The following ZNF57 variants were observed in gnomAD, a reference collection of about 807,000 sequenced individuals.
ZNF57 encodes zinc finger protein 424.
A neutral mutation model predicts 13.4 loss-of-function variants in ZNF57; 11 were observed. That is an observed-to-expected ratio of 0.82 (90% CI 0.52 to 1.36). The LOEUF (loss-of-function observed/expected upper bound fraction) is 1.36, where lower values mean the gene tolerates loss of function less well. ZNF57 is among the 40% of genes most tolerant of loss of function. The pLI is 0.00. For missense variants in ZNF57, 696 were observed against 667.5 expected (o/e 1.04, Z -0.47); for synonymous variants, 224 against 238.5 (o/e 0.94, Z 0.56).
In ZNF57 at chr19:2,917,634, G is replaced by A; in HGVS notation, c.1013G>A (p.Cys338Tyr). The A allele has an allele frequency of 6.2e-7, 1 of 1,613,734 alleles. No individual in the cohort carries two copies. The highest frequency in any genetic ancestry group is 2.2e-5 in the East Asian group (1 of 44,856). ...CACACTGGGGACAAACTCTATAAATGTGAACACTGTGGGAAGGCTTTTACC... is the reference window on the plus strand; with the variant it reads ...CACACTGGGGACAAACTCTATAAATATGAACACTGTGGGAAGGCTTTTACC... Reference protein sequence around the residue: ...RIHTGDKLYKCEHCGKAFTSS... With the variant: ...RIHTGDKLYKYEHCGKAFTSS... Residue 338 changes from cysteine to tyrosine, a missense_variant, in exon 4 of 4, where the codon TGT becomes TAT. Transcript: ENST00000306908.
At chr19:2,903,905 C>G (rs543883924) in intron 1 of ZNF57, among the ~76,000 whole-genome samples, 1 of 151,994 alleles carries the variant, frequency 6.6e-6, no homozygotes. Context: ...TTAGTAGAGA[C>G]GGGGTTTCAC....
At chr19:2,914,351 T>C (rs976974520) in intron 1 of ZNF57, among the ~76,000 whole-genome samples, 1 of 152,092 alleles carries the variant, frequency 6.6e-6, no homozygotes, top group African/African-American at 2.4e-5. Flanking sequence ...ACCTCCTGGG[T>C]TCAAGTGATT....
rs182420588 is a variant in ZNF57, at chr19:2,916,406, A to G, written c.302+157A>G. 125 of 702,912 alleles carry G rather than the reference A, an allele frequency of 1.8e-4. 1 individual carries two copies. The African/African-American group carries it at 2.1e-3, about 12-fold the overall frequency. 43.5% of individuals were successfully genotyped at this position (702,912 alleles called of 1,614,324 possible). A position where few individuals can be genotyped will look rare whatever the true frequency, so the allele number is the denominator to read the frequency against. Reference sequence around the variant, plus strand: ...GACTAAGACATTGAGAATTTGAAACATAATTGTTAGAAGTAATTACAGGGG... The same window carrying G: ...GACTAAGACATTGAGAATTTGAAACGTAATTGTTAGAAGTAATTACAGGGG... On this transcript the variant is annotated intron_variant, in intron 3 of 3. Transcript: ENST00000306908.
Position 2,918,462 on chromosome 19 carries a change from T to C in ZNF57, c.*173T>C, listed in dbSNP as rs2088238134. The C allele has an allele frequency of 1.9e-5, 13 of 689,536 alleles. No homozygotes were observed. In the South Asian group the frequency reaches 2.7e-4, roughly 14 times the overall value. 42.7% of individuals were successfully genotyped at this position (689,536 alleles called of 1,614,324 possible). ...TCCAGCTCTTTCAAAAATAAATGTT[T>C]ATGTGAGAAAATAATTCTCTAAGTC... On this transcript the variant is annotated 3_prime_UTR_variant, in exon 4 of 4. Coordinates refer to ENST00000306908, the MANE Select transcript of ZNF57 (RefSeq NM_173480.3).
At chr19:2,906,350 G>A (rs974785979) in intron 1 of ZNF57, among the ~76,000 whole-genome samples, 4 of 152,212 alleles carry the variant, frequency 2.6e-5, no homozygotes, top group African/African-American at 4.8e-5. Flanking sequence ...CATGGTGCCC[G>A]GCCCTGAGTG....
rs2088218018 is a variant in ZNF57, at chr19:2,917,526, A to G, written c.905A>G (p.His302Arg). Residue 302 changes from histidine (H) to arginine (R), a missense_variant, in exon 4 of 4, where the codon CAC becomes CGC. Coordinates refer to ENST00000306908, the MANE Select transcript of ZNF57 (RefSeq NM_173480.3). Reference sequence around the variant, plus strand: ...GCTTTTCAAAGACATGAGAAGACGCACACGGGAGAGAAGCCCTATGAATGC... The same window carrying G: ...GCTTTTCAAAGACATGAGAAGACGCGCACGGGAGAGAAGCCCTATGAATGC... ...PQAFQRHEKT[H>R]TGEKPYECKQ... The G allele has an allele frequency of 2.5e-6, 4 of 1,613,844 alleles. No homozygotes were observed. Among genetic ancestry groups the G allele is most frequent in the Admixed American group, 1.7e-5 (1 of 59,994 alleles).
chr19:2,903,211 T>C (rs2088043754), intron 1 of ZNF57, among the ~76,000 whole-genome samples: 1 of 152,192 alleles, frequency 6.6e-6, no homozygotes, highest in African/African-American at 2.4e-5. Context: ...GTTTAGTTTA[T>C]GCTTTAAGTG....
At chr19:2,909,344 G>C (rs1297662578) in intron 1 of ZNF57, among the ~76,000 whole-genome samples, 2 of 80,480 alleles carry the variant, frequency 2.5e-5, no homozygotes, top group Admixed American at 1.4e-4. Flanking sequence ...GCAGTGGCGC[G>C]ATCTCGGCTC....
chr19:2,901,151 C>G, intron 1 of ZNF57, 103 bp downstream of exon 1: 2 of 1,379,910 alleles, frequency 1.4e-6, no homozygotes, highest in Middle Eastern at 2.1e-4. Flanking sequence ...CTGAGGGACG[C>G]GCGGGGCGGC....
In ZNF57 at chr19:2,917,652, CT is replaced by C; in HGVS notation, c.1035del (p.Phe345LeufsTer11). The C allele has an allele frequency of 6.2e-7, 1 of 1,614,044 alleles. No individual in the cohort carries two copies. ...KLYKCEHCGK[A>X]FTSSRSFQGH... ...TATAAATGTGAACACTGTGGGAAGGCTTTTACCTCTTCCAGATCATTCCAAG... is the reference window on the plus strand; with the variant it reads ...TATAAATGTGAACACTGTGGGAAGGCTTTACCTCTTCCAGATCATTCCAAG... On this transcript the variant is annotated frameshift_variant, in exon 4 of 4. Transcript: ENST00000306908. LOFTEE classifies it low-confidence loss of function (END_TRUNC).
chr19:2,905,389 T>A (rs1368983094), intron 1 of ZNF57, among the ~76,000 whole-genome samples: 1 of 118,574 alleles, frequency 8.4e-6, no homozygotes, highest in Non-Finnish European at 1.7e-5. Context: ...GGTCTCGAAC[T>A]CTTGACTTCA....
chr19:2,901,007 C>T lies in ZNF57; in HGVS notation c.-39C>T, dbSNP rs914271536. 9.7e-6 allele frequency: 15 copies of T among 1,553,650 alleles called. No homozygotes were observed. In the Admixed American group the frequency reaches 1.8e-4, roughly 18 times the overall value. Reference sequence around the variant, plus strand: ...TTCAGCTGCGCCGGCCGCGAGGCCACGGAGAGCTCGCCTTGGAGAGCCCAG... The same window carrying T: ...TTCAGCTGCGCCGGCCGCGAGGCCATGGAGAGCTCGCCTTGGAGAGCCCAG... On this transcript the variant is annotated 5_prime_UTR_variant, in exon 1 of 4. In the 5' UTR this introduces an upstream ATG that the reference lacks. Coordinates refer to ENST00000306908, the MANE Select transcript of ZNF57 (RefSeq NM_173480.3).
rs767257809 is a variant in ZNF57 at position 2,916,945 on chromosome 19, C to T, written c.324C>T (p.Phe108=). Residue 108 remains phenylalanine (F), a synonymous_variant, in exon 4 of 4, where the codon TTC becomes TTT. Transcript: ENST00000306908. ...KNLRNHMVDR[F]CTHNEGNQYG... ...ACAGAAATCATATGGTGGACAGATTCTGTACACATAATGAAGGTAATCAAT... is the reference window on the plus strand; with the variant it reads ...ACAGAAATCATATGGTGGACAGATTTTGTACACATAATGAAGGTAATCAAT... The T allele has an allele frequency of 1.9e-6, 3 of 1,602,298 alleles. No individual in the cohort carries two copies. Among genetic ancestry groups the T allele is most frequent in the Non-Finnish European group, 2.6e-6 (3 of 1,174,700 alleles).
intron 1 of ZNF57, 41 bp from the exon 2 acceptor site, chr19:2,915,477 TTCAG>T: frequency 6.3e-7 from 1 of 1,598,364 alleles, no homozygotes; most frequent in Non-Finnish European, 8.5e-7. Context: ...CCCCAGTACT[TTCAG>T]TGTCTCCAAT....
Position 2,900,974 on chromosome 19 carries a change from C to T in ZNF57, c.-72C>T, listed in dbSNP as rs2088023567. Reference sequence around the variant, plus strand: ...CCTACCACGAGCGGCCCGGGAGTACCTGTACCTTTCAGCTGCGCCGGCCGC... The same window carrying T: ...CCTACCACGAGCGGCCCGGGAGTACTTGTACCTTTCAGCTGCGCCGGCCGC... On this transcript the variant is annotated 5_prime_UTR_variant, in exon 1 of 4. Transcript: ENST00000306908. The T allele has an allele frequency of 1.9e-6, 3 of 1,546,916 alleles. No individual in the cohort carries two copies. The highest frequency in any genetic ancestry group is 1.7e-4 in the Middle Eastern group (1 of 5,900).
At chr19:2,908,853 G>A (rs1465149574) in intron 1 of ZNF57, among the ~76,000 whole-genome samples, 2 of 152,028 alleles carry the variant, frequency 1.3e-5, no homozygotes, top group Non-Finnish European at 2.9e-5. Flanking sequence ...TGACTCATCT[G>A]CCTCTGTCTC....
At chr19:2,916,851 A>C in intron 3 of ZNF57, 73 bp from the exon 4 acceptor site, 2 of 1,297,828 alleles carry the variant, frequency 1.5e-6, no homozygotes, top group South Asian at 3.1e-5. Flanking sequence ...CATTATTTCT[A>C]ATACTTGTTA....
chr19:2,905,204 G>T lies in ZNF57; in HGVS notation c.3+4156G>T, dbSNP rs577814327. ...TTTTGAGATGGAGTCTTGCTTTGTT[G>T]CTCAGGTTGGAGTGCAGTGGCACAA... On this transcript the variant is annotated intron_variant, in intron 1 of 3. Coordinates refer to ENST00000306908, the MANE Select transcript of ZNF57 (RefSeq NM_173480.3). 1.8e-4 allele frequency among the ~76,000 whole-genome samples: 27 copies of T among 151,846 alleles called. No homozygotes were observed. In the South Asian group the frequency reaches 5.2e-3, roughly 29 times the overall value.
chr19:2,909,281 G>T (rs28581370), intron 1 of ZNF57, among the ~76,000 whole-genome samples: 2,475 of 106,880 alleles, frequency 0.023, 42 homozygotes, highest in Non-Finnish European at 0.028. Context: ...ATTTATTTTT[G>T]TTTTTTTTTT....
Sources: gnomAD v4.1 joint callset for allele counts (sites outside exome capture counted in the v4.1 genomes callset) on GRCh38, gnomAD v4.1.1 for gene constraint, MANE v1.5 for transcripts, NCBI Gene and HGNC (gene_info 2026-07-23, HGNC 2026-07-21) for gene names.